The following ASAP1 variants were observed in gnomAD, a reference collection of about 807,000 sequenced individuals.
The protein encoded by ASAP1 is ArfGAP with SH3 domain, ankyrin repeat and PH domain 1, also known as arf-GAP with SH3 domain, ANK repeat and PH domain-containing protein 1.
Under a neutral mutation model 145.2 loss-of-function variants are expected in ASAP1, and 43 were observed. That is an observed-to-expected ratio of 0.30 (90% CI 0.23 to 0.38). ASAP1 has a LOEUF of 0.38. Among genes scored for constraint, ASAP1 ranks in the 10% least tolerant of loss-of-function variants. The pLI is 1.00. For synonymous variants in ASAP1, 546 were observed against 515.5 expected (o/e 1.06, Z -0.80); for missense variants, 1,018 against 1,355.3 (o/e 0.75, Z 3.91).
chr8:130,370,476 AT>A (rs1399176362), intron 2 of ASAP1, among the ~76,000 whole-genome samples: 2 of 152,184 alleles, frequency 1.3e-5, no homozygotes, highest in African/African-American at 4.8e-5. Flanking sequence ...AGAGAAATAC[AT>A]TTGTTGTTTG....
chr8:130,342,521 T>C (rs1017888853), intron 3 of ASAP1, among the ~76,000 whole-genome samples: 1 of 151,988 alleles, frequency 6.6e-6, no homozygotes, highest in Non-Finnish European at 1.5e-5. Context: ...TTTGGCCCCC[T>C]AGGGAAGCAG....
At chr8:130,394,008 G>A (rs1261032489) in intron 2 of ASAP1, among the ~76,000 whole-genome samples, 1 of 151,990 alleles carries the variant, frequency 6.6e-6, no homozygotes, top group African/African-American at 2.4e-5. Flanking sequence ...ATTTTCATAA[G>A]CTGAGGAGGA....
At chr8:130,189,478 T>C (rs949329189) in intron 5 of ASAP1, among the ~76,000 whole-genome samples, 1 of 152,214 alleles carries the variant, frequency 6.6e-6, no homozygotes, top group African/African-American at 2.4e-5. Context: ...TTGTGGCAAG[T>C]GGCATGACTT....
rs1215034828 is a variant in ASAP1, at chr8:130,358,742, C to T, written c.60-599G>A. The stretch of plus-strand genomic sequence containing the variant: ...CGCCCGCGCCCCGCCCCCGGCCCGG[C>T]CCCCGCCCCGCCCCGCCCCCGCTCG... On this transcript the variant is annotated intron_variant, in intron 2 of 29. Coordinates refer to ENST00000518721, the MANE Select transcript of ASAP1 (RefSeq NM_018482.4). The surrounding 1 kb of genome is among the most constrained non-coding windows in gnomAD (Gnocchi z 4.1). Among the ~76,000 whole-genome samples, 40 of 138,670 alleles carry T rather than the reference C, an allele frequency of 2.9e-4. No individual in the cohort carries two copies. The highest frequency in any genetic ancestry group is 4.9e-4 in the Non-Finnish European group (31 of 63,060). The allele number at this position is 138,670 out of a possible 152,430, so 91.0% of individuals were successfully genotyped here. A position where few individuals can be genotyped will look rare whatever the true frequency, so the allele number is the denominator to read the frequency against.
Position 130,257,317 on chromosome 8 carries a change from C to T in ASAP1, c.187-20323G>A, listed in dbSNP as rs10956516. ...ACTTCTCAAAAATGAGCAAGCAGTT[C>T]CCCCAATATCCAATGACAAGGTCCA... On this transcript the variant is annotated intron_variant, in intron 3 of 29. Coordinates refer to ENST00000518721, the MANE Select transcript of ASAP1 (RefSeq NM_018482.4). 4.9e-4 allele frequency among the ~76,000 whole-genome samples: 74 copies of T among 152,264 alleles called. No homozygotes were observed. In the East Asian group the frequency reaches 0.011, roughly 23 times the overall value.
chr8:130,324,064 T>C (rs1824180497), intron 3 of ASAP1, among the ~76,000 whole-genome samples: 1 of 152,152 alleles, frequency 6.6e-6, no homozygotes, highest in Non-Finnish European at 1.5e-5. Context: ...GCCAGCTCTG[T>C]TAGAAACCAA....
chr8:130,242,922 G>C (rs984522221), intron 3 of ASAP1, among the ~76,000 whole-genome samples: 1 of 152,148 alleles, frequency 6.6e-6, no homozygotes, highest in African/African-American at 2.4e-5. Context: ...ACTTGCATGT[G>C]CATAGATTTT....
chr8:130,354,263 G>A (rs1826173347), intron 3 of ASAP1, among the ~76,000 whole-genome samples: 2 of 151,986 alleles, frequency 1.3e-5, no homozygotes, highest in African/African-American at 4.8e-5. Context: ...CATCTCTCTG[G>A]GCCTCAATTT....
chr8:130,389,139 G>T (rs1828158862), intron 2 of ASAP1, among the ~76,000 whole-genome samples: 1 of 152,204 alleles, frequency 6.6e-6, no homozygotes, highest in Non-Finnish European at 1.5e-5. Flanking sequence ...TGCTGTTGTT[G>T]TTGTTACAAT....
chr8:130,428,483 A>ACCGCTG (rs1830018038), intron 1 of ASAP1, among the ~76,000 whole-genome samples: 1 of 145,190 alleles, frequency 6.9e-6, no homozygotes, highest in Non-Finnish European at 1.5e-5. Context: ...CACCACCACC[A>ACCGCTG]TCTTCATCAC....
intron 2 of ASAP1, among the ~76,000 whole-genome samples, chr8:130,364,606 T>C (rs1156816101): frequency 6.6e-6 from 1 of 152,182 alleles, no homozygotes; most frequent in East Asian, 1.9e-4. Context: ...TGCGTGTGTT[T>C]TCCTTCTGGG....
At chr8:130,218,460 T>C (rs1449095969) in intron 4 of ASAP1, among the ~76,000 whole-genome samples, 1 of 152,156 alleles carries the variant, frequency 6.6e-6, no homozygotes, top group Non-Finnish European at 1.5e-5. Flanking sequence ...CCAATTCCGA[T>C]CTCCTTCCTT....
chr8:130,338,158 C>T (rs577671469), intron 3 of ASAP1, among the ~76,000 whole-genome samples: 2 of 152,190 alleles, frequency 1.3e-5, no homozygotes, highest in South Asian at 4.2e-4. Flanking sequence ...CAGACCCATG[C>T]AATAGTACAA....
intron 1 of ASAP1, among the ~76,000 whole-genome samples, chr8:130,428,448 T>TCAC (rs1830013215): frequency 7.1e-6 from 1 of 141,242 alleles, no homozygotes; most frequent in Non-Finnish European, 1.6e-5. Context: ...ACCACCACCA[T>TCAC]CATTATCACC....
intron 2 of ASAP1, among the ~76,000 whole-genome samples, chr8:130,386,319 T>C (rs1308985647): frequency 2.0e-5 from 3 of 152,186 alleles, no homozygotes; most frequent in African/African-American, 7.2e-5. Flanking sequence ...CCTTCTTGCT[T>C]AAGGCAACCT....
At chr8:130,414,020 C>A (rs1438144154) in intron 1 of ASAP1, among the ~76,000 whole-genome samples, 3 of 150,564 alleles carry the variant, frequency 2.0e-5, no homozygotes, top group Non-Finnish European at 2.9e-5. Flanking sequence ...CTGGTACCTG[C>A]AAGAACAGAA....
intron 3 of ASAP1, among the ~76,000 whole-genome samples, chr8:130,340,506 T>C (rs1396829375): frequency 6.6e-6 from 1 of 152,226 alleles, no homozygotes; most frequent in Non-Finnish European, 1.5e-5. Context: ...ATATTAAATA[T>C]CTGATTAGTA....
intron 3 of ASAP1, among the ~76,000 whole-genome samples, chr8:130,319,437 G>T (rs1215989956): frequency 6.6e-6 from 1 of 152,220 alleles, no homozygotes; most frequent in African/African-American, 2.4e-5. Flanking sequence ...GGGTGGTGGG[G>T]ATTGCTCCAG....
intron 27 of ASAP1, among the ~76,000 whole-genome samples, chr8:130,071,011 G>GAA (rs1415476694): frequency 8.7e-5 from 1 of 11,436 alleles, no homozygotes; most frequent in Non-Finnish European, 1.4e-4. Flanking sequence ...GGGGAGGGGG[G>GAA]GAGAGAGAGA....
Sources: allele counts gnomAD v4.1 joint callset (sites outside exome capture counted in the v4.1 genomes callset), GRCh38; gene constraint gnomAD v4.1.1; non-coding constraint Gnocchi (gnomAD v3.1); transcripts MANE v1.5; gene names NCBI Gene and HGNC (gene_info 2026-07-23, HGNC 2026-07-21).